The following AR variants were observed in gnomAD, a reference collection of about 807,000 sequenced individuals.
The protein encoded by AR is androgen receptor.
Under a neutral mutation model 53.9 loss-of-function variants are expected in AR, and 8 were observed. That is an observed-to-expected ratio of 0.15 (90% CI 0.09 to 0.27). The LOEUF (loss-of-function observed/expected upper bound fraction) is 0.27, where lower values mean the gene tolerates loss of function less well. Among genes scored for constraint, AR ranks in the 10% least tolerant of loss-of-function variants. AR has a pLI of 1.00. For missense variants in AR, 639 were observed against 742.5 expected (o/e 0.86, Z 1.62); for synonymous variants, 359 against 316.4 (o/e 1.13, Z -1.43).
chrX:67,580,237 C>T (rs914447607), intron 1 of AR, among the ~76,000 whole-genome samples: 7 of 110,349 alleles, frequency 6.3e-5, no homozygotes, highest in Middle Eastern at 4.8e-3. Flanking sequence ...TGACCAAACC[C>T]TAACGAAAAA....
intron 2 of AR, among the ~76,000 whole-genome samples, chrX:67,676,640 C>T (rs1025785063): frequency 2.7e-5 from 3 of 111,265 alleles, no homozygotes; most frequent in Non-Finnish European, 5.7e-5. Context: ...GGAGCAAGCC[C>T]TTGTTTCATT....
chrX:67,667,790 AGTTTATTGCTAG>A lies in AR; in HGVS notation c.1769-18217_1769-18206del, dbSNP rs763256261. On this transcript the variant is annotated intron_variant, in intron 2 of 7. Coordinates refer to ENST00000374690, the MANE Select transcript of AR (RefSeq NM_000044.6). The stretch of plus-strand genomic sequence containing the variant: ...TAGAGATATTTCATTTATTTGACTA[AGTTTATTGCTAG>A]GTATTTTATTTTATTTTTACCTATT... Among the ~76,000 whole-genome samples the A allele has an allele frequency of 3.0e-3, 329 of 110,344 alleles. 1 individual carries two copies. The highest frequency in any genetic ancestry group is 5.5e-3 in the Admixed American group (56 of 10,273).
intron 1 of AR, among the ~76,000 whole-genome samples, chrX:67,568,646 C>A (rs1224621456): frequency 1.8e-5 from 2 of 111,689 alleles, no homozygotes; most frequent in Non-Finnish European, 3.8e-5. Context: ...ATTCTGATCT[C>A]TATATGCAAT....
chrX:67,567,947 A>G (rs1381586812), intron 1 of AR, among the ~76,000 whole-genome samples: 4 of 111,330 alleles, frequency 3.6e-5, no homozygotes, highest in Non-Finnish European at 7.5e-5. Flanking sequence ...CCCTTGTACC[A>G]GCAACTTAGC....
At chrX:67,576,644 T>C in intron 1 of AR, among the ~76,000 whole-genome samples, 1 of 111,419 alleles carries the variant, frequency 9.0e-6, no homozygotes, top group African/African-American at 3.3e-5. Context: ...TCAGAGGTCA[T>C]ATTTTTAGTA....
chrX:67,719,500 C>T (rs751365752), intron 5 of AR, among the ~76,000 whole-genome samples: 59 of 111,484 alleles, frequency 5.3e-4, no homozygotes, highest in African/African-American at 1.1e-3. Context: ...ATAAAAAGGC[C>T]TCCCTACGGG....
At chrX:67,674,651 A>G (rs1408042010) in intron 2 of AR, among the ~76,000 whole-genome samples, 1 of 111,175 alleles carries the variant, frequency 9.0e-6, no homozygotes, top group Non-Finnish European at 1.9e-5. Context: ...TTCTTTAGTT[A>G]GCTTATGGTG....
At chrX:67,585,467 A>G (rs1922499087) in intron 1 of AR, among the ~76,000 whole-genome samples, 1 of 111,687 alleles carries the variant, frequency 9.0e-6, no homozygotes. Context: ...CCTCAGCTCT[A>G]TCAATCACTT....
chrX:67,676,891 A>G (rs912262236), intron 2 of AR, among the ~76,000 whole-genome samples: 1 of 111,622 alleles, frequency 9.0e-6, no homozygotes, highest in African/African-American at 3.3e-5. Context: ...TCATGGATGA[A>G]CATTCCTGCC....
rs749147206 is a variant in AR, at chrX:67,550,789, C to T, written c.1616+4027C>T. 3.6e-5 allele frequency among the ~76,000 whole-genome samples: 4 copies of T among 110,039 alleles called. No homozygotes were observed. In the East Asian group the frequency reaches 8.6e-4, roughly 24 times the overall value. ...AGCTTCCTCAAGTGCTGCCTGTCCCCGATTTTCTTTTATTCCACTCCTTTC... is the reference window on the plus strand; with the variant it reads ...AGCTTCCTCAAGTGCTGCCTGTCCCTGATTTTCTTTTATTCCACTCCTTTC... On this transcript the variant is annotated intron_variant, in intron 1 of 7. Coordinates refer to ENST00000374690, the MANE Select transcript of AR (RefSeq NM_000044.6).
chrX:67,613,647 A>G (rs1034410613), intron 1 of AR, among the ~76,000 whole-genome samples: 1 of 111,571 alleles, frequency 9.0e-6, no homozygotes, highest in African/African-American at 3.3e-5. Context: ...TAGGCTCTAA[A>G]GCATTCCTCA....
chrX:67,613,057 C>T (rs1000274763), intron 1 of AR, among the ~76,000 whole-genome samples: 2 of 112,171 alleles, frequency 1.8e-5, no homozygotes, highest in African/African-American at 6.5e-5. Context: ...GGCTTTGCCC[C>T]AGGGATGGTA....
intron 1 of AR, among the ~76,000 whole-genome samples, chrX:67,608,790 T>A (rs927239349): frequency 1.8e-5 from 2 of 112,270 alleles, no homozygotes; most frequent in African/African-American, 6.5e-5. Flanking sequence ...CATGTGTTTT[T>A]ATATATTGTT....
At chrX:67,667,700 A>C (rs1442120401) in intron 2 of AR, among the ~76,000 whole-genome samples, 1 of 111,599 alleles carries the variant, frequency 9.0e-6, no homozygotes, top group African/African-American at 3.2e-5. Flanking sequence ...CGAACATGGA[A>C]TATCCTTCTA....
chrX:67,602,335 A>G (rs1273449791), intron 1 of AR, among the ~76,000 whole-genome samples: 11 of 111,768 alleles, frequency 9.8e-5, no homozygotes, highest in Non-Finnish European at 3.8e-5. Context: ...AGAATTCTAG[A>G]ATGACCCTGA....
chrX:67,668,941 C>T (rs1927403662), intron 2 of AR, among the ~76,000 whole-genome samples: 1 of 111,332 alleles, frequency 9.0e-6, no homozygotes, highest in Admixed American at 9.6e-5. Context: ...TGAGCTTTCT[C>T]TTTTTTTCTT....
intron 1 of AR, 139 bp downstream of exon 1, chrX:67,546,901 C>T (rs1383510741): frequency 2.9e-6 from 2 of 685,013 alleles, no homozygotes; most frequent in Non-Finnish European, 4.4e-6. Flanking sequence ...CTAGAGCTCT[C>T]CCGTGGACTC....
chrX:67,632,197 C>T (rs111470946), intron 1 of AR, among the ~76,000 whole-genome samples: 7,047 of 112,620 alleles, frequency 0.063, 573 homozygotes, highest in African/African-American at 0.22. Flanking sequence ...GCTTTGTTTA[C>T]CTAAGCAAGC....
At chrX:67,703,392 T>C (rs1489642261) in intron 3 of AR, among the ~76,000 whole-genome samples, 1 of 111,952 alleles carries the variant, frequency 8.9e-6, no homozygotes, top group Non-Finnish European at 1.9e-5. Context: ...ACCTCTAAAT[T>C]GTGTGTGTGA....
Sources: gnomAD v4.1 joint callset for allele counts (sites outside exome capture counted in the v4.1 genomes callset) on GRCh38, gnomAD v4.1.1 for gene constraint, MANE v1.5 for transcripts, NCBI Gene and HGNC (gene_info 2026-07-23, HGNC 2026-07-21) for gene names.